Variants in SNAP91 observed in about 807,000 individuals in gnomAD.
The protein encoded by SNAP91 is clathrin coat assembly protein AP180.
In SNAP91, 27 loss-of-function variants were observed where a neutral mutation model predicts 100.3. The ratio of observed to expected loss-of-function variants is 0.27; its 90% CI spans 0.20 to 0.37. The LOEUF is 0.37. Ranked by LOEUF, SNAP91 falls within the 10% of genes least tolerant of loss-of-function variation. The pLI, the probability that SNAP91 is intolerant of heterozygous loss-of-function variation, is 1.00. For missense variants in SNAP91, 986 were observed against 1,123.7 expected, an observed-to-expected ratio of 0.88 and a Z score of 1.75; for synonymous variants, 404 against 398.6, an observed-to-expected ratio of 1.01 and a Z score of -0.16.
intron 22 of SNAP91, among the ~76,000 whole-genome samples, chr6:83,582,876 T>C (rs1408840497): frequency 6.6e-6 from 1 of 152,202 alleles, no homozygotes; most frequent in Non-Finnish European, 1.5e-5. Flanking sequence ...TCTGGATTCA[T>C]GAACAGTCAC....
At chr6:83,655,396 TG>T (rs2098373725) in intron 7 of SNAP91, among the ~76,000 whole-genome samples, 1 of 152,160 alleles carries the variant, frequency 6.6e-6, no homozygotes, top group African/African-American at 2.4e-5. Context: ...TGATGCCACG[TG>T]GGGCTCTGTT....
chr6:83,593,702 G>T lies in SNAP91; in HGVS notation c.1472C>A (p.Pro491His). The change falls in exon 18 of 30, where the codon CCT becomes CAT. Residue 491 changes from proline to histidine, a missense_variant. By Grantham distance (77) the Pro-to-His change is moderately conservative. Transcript: ENST00000369694. ...APSEGSAEAA[P>H]ELDLFAMKPP... is the part of the protein sequence containing the mutation. ...CTTCATTGCAAAGAGGTCCAGCTCA[G>T]GTGCAGCCTCTGCACTACCTTCAGA... 6.2e-7 allele frequency: 1 copy of T among 1,605,362 alleles called. No individual in the cohort carries two copies. The highest frequency in any genetic ancestry group is 8.5e-7 in the Non-Finnish European group (1 of 1,173,536).
At position 83,593,569 on chromosome 6, in the gene SNAP91, GGCA is replaced by G. The variant is rs769494882; in HGVS notation, c.1602_1604del (p.Ala535del). 7.7e-6 allele frequency: 12 copies of G among 1,554,074 alleles called. No homozygotes were observed. The highest frequency in any genetic ancestry group is 3.9e-5 in the Admixed American group (2 of 51,380). On this transcript the variant is annotated inframe_deletion, in exon 18 of 30. Transcript: ENST00000369694. ...TGGCAGCGGCGGTGGCAGCAGTAGT[GGCA>G]GCAGCAGCAGCTGCAACGGCAGGAG...
intron 2 of SNAP91, among the ~76,000 whole-genome samples, chr6:83,677,165 C>A (rs1363622569): frequency 1.3e-5 from 2 of 152,132 alleles, no homozygotes; most frequent in Admixed American, 1.3e-4. Context: ...CCACAGGAGA[C>A]CCCATGCCTT....
rs545644294 is a variant in SNAP91, at chr6:83,683,299, T to C, written c.131-17718A>G. Among the ~76,000 whole-genome samples the C allele has an allele frequency of 7.9e-5, 12 of 152,292 alleles. No homozygotes were observed. The South Asian group carries it at 2.5e-3, about 32-fold the overall frequency. ...CTTAGTAAGTGATACAGTTTTGATA[T>C]TTCTTCTCTCCAACTATCATGTTGA... On this transcript the variant is annotated intron_variant, in intron 2 of 29. Transcript: ENST00000369694.
In SNAP91 at chr6:83,708,115, T is replaced by C. The variant is rs1271583240; in HGVS notation, c.-30-158A>G. 8 of 607,522 alleles carry C rather than the reference T, an allele frequency of 1.3e-5. No homozygotes were observed. In the East Asian group the frequency reaches 2.0e-4, roughly 15 times the overall value. 37.6% of individuals were successfully genotyped at this position (607,522 alleles called of 1,614,324 possible). Reference sequence around the variant, plus strand: ...CCAGCAACGCGCCAAGCCCCGCTCCTGCGATGCGGTCCAGGGAGTCTTGGC... The same window carrying C: ...CCAGCAACGCGCCAAGCCCCGCTCCCGCGATGCGGTCCAGGGAGTCTTGGC... On this transcript the variant is annotated intron_variant, in intron 1 of 29. Transcript: ENST00000369694.
At chr6:83,637,489 C>T (rs921055313) in intron 8 of SNAP91, among the ~76,000 whole-genome samples, 1 of 152,178 alleles carries the variant, frequency 6.6e-6, no homozygotes. Flanking sequence ...GGGTTTCCAG[C>T]CTGGCAGACA....
chr6:83,635,451 TC>T (rs1024361358), intron 8 of SNAP91, among the ~76,000 whole-genome samples: 3 of 152,196 alleles, frequency 2.0e-5, no homozygotes, highest in African/African-American at 7.2e-5. Context: ...TTGTACTTTT[TC>T]TTTTTTTACT....
intron 2 of SNAP91, among the ~76,000 whole-genome samples, chr6:83,695,767 TA>T (rs1240572505): frequency 6.6e-6 from 1 of 152,164 alleles, no homozygotes; most frequent in Non-Finnish European, 1.5e-5. Context: ...ACGAAATGAT[TA>T]GTAAAATCTA....
intron 5 of SNAP91, among the ~76,000 whole-genome samples, chr6:83,660,852 C>T (rs2098529710): frequency 6.6e-6 from 1 of 151,328 alleles, no homozygotes; most frequent in South Asian, 2.1e-4. Context: ...GAACATAGCT[C>T]ACTGTAGCCT....
intron 28 of SNAP91, 62 bp downstream of exon 28, chr6:83,560,042 T>C (rs764911537): frequency 9.5e-6 from 13 of 1,372,532 alleles, no homozygotes; most frequent in Non-Finnish European, 1.2e-5. Context: ...AACAGTTTGC[T>C]ACACCAATGT....
intron 2 of SNAP91, among the ~76,000 whole-genome samples, chr6:83,691,235 A>G (rs967108402): frequency 5.3e-5 from 8 of 152,158 alleles, no homozygotes; most frequent in African/African-American, 7.2e-5. Flanking sequence ...CCACAATTAC[A>G]TAGCTTACTG....
At chr6:83,582,917 G>A (rs1391554034) in intron 22 of SNAP91, among the ~76,000 whole-genome samples, 1 of 152,152 alleles carries the variant, frequency 6.6e-6, no homozygotes, top group East Asian at 1.9e-4. Flanking sequence ...CTCTAGTCTA[G>A]ATCTCCTCCA....
intron 2 of SNAP91, among the ~76,000 whole-genome samples, chr6:83,671,999 C>T (rs770165130): frequency 6.6e-6 from 1 of 152,128 alleles, no homozygotes; most frequent in East Asian, 1.9e-4. Context: ...TTGCTCAAAA[C>T]CCCCTGGGGC....
intron 2 of SNAP91, among the ~76,000 whole-genome samples, chr6:83,690,765 A>G (rs983013112): frequency 6.6e-6 from 1 of 152,234 alleles, no homozygotes; most frequent in African/African-American, 2.4e-5. Flanking sequence ...ATTAGCTCCT[A>G]TACTAAATAG....
intron 2 of SNAP91, among the ~76,000 whole-genome samples, chr6:83,695,037 C>T (rs918073032): frequency 7.3e-5 from 11 of 151,700 alleles, no homozygotes; most frequent in Non-Finnish European, 1.0e-4. Flanking sequence ...TTTGGGAGGC[C>T]GAGGTGGGCG....
intron 11 of SNAP91, among the ~76,000 whole-genome samples, chr6:83,614,140 G>GA (rs927453624): frequency 6.6e-6 from 1 of 152,042 alleles, no homozygotes; most frequent in Non-Finnish European, 1.5e-5. Flanking sequence ...GTGCTAGCCA[G>GA]AAAAAAATAC....
chr6:83,682,395 T>C (rs1017797558), intron 2 of SNAP91, among the ~76,000 whole-genome samples: 22 of 151,726 alleles, frequency 1.4e-4, no homozygotes, highest in Non-Finnish European at 2.5e-4. Context: ...TTTGTAGAGA[T>C]GGAGTTTCGC....
intron 9 of SNAP91, among the ~76,000 whole-genome samples, chr6:83,620,967 T>C (rs1378347790): frequency 6.6e-6 from 1 of 151,902 alleles, no homozygotes; most frequent in East Asian, 1.9e-4. Flanking sequence ...CCTCCCAAAG[T>C]GCTGGGATTA....
Sources: gnomAD v4.1 joint callset for allele counts (sites outside exome capture counted in the v4.1 genomes callset) on GRCh38, gnomAD v4.1.1 for gene constraint, MANE v1.5 for transcripts, NCBI Gene and HGNC (gene_info 2026-07-23, HGNC 2026-07-21) for gene names.